KIFAP3: variants seen among roughly 807,000 people sequenced by gnomAD.
KIFAP3 encodes kinesin-associated protein 3.
In KIFAP3, 68 loss-of-function variants were observed where a neutral mutation model predicts 106.5. The ratio of observed to expected loss-of-function variants is 0.64; its 90% CI spans 0.53 to 0.78. The LOEUF (loss-of-function observed/expected upper bound fraction) is 0.78. Among genes scored for constraint, KIFAP3 ranks in the 30% least tolerant of loss-of-function variants. KIFAP3 has a pLI of 0.00. For missense variants in KIFAP3, 780 were observed against 941.8 expected, an observed-to-expected ratio of 0.83 and a Z score of 2.25; for synonymous variants, 320 against 311.5, an observed-to-expected ratio of 1.03 and a Z score of -0.29.
At position 170,045,543 on chromosome 1, in the gene KIFAP3, C is replaced by A. The variant is rs186829675; in HGVS notation, c.319+1169G>T. Among the ~76,000 whole-genome samples the A allele has an allele frequency of 1.1e-4, 16 of 152,150 alleles. No individual in the cohort carries two copies. In the East Asian group the frequency reaches 2.9e-3, roughly 28 times the overall value. ...ACACTTATTTTGCAAATAAATTGGT[C>A]CTACTATAATTTGTCTTTGGTAGAA... On this transcript the variant is annotated intron_variant, in intron 3 of 19. Coordinates refer to ENST00000361580, the MANE Select transcript of KIFAP3 (RefSeq NM_014970.4).
intron 2 of KIFAP3, among the ~76,000 whole-genome samples, chr1:170,052,787 C>A (rs1008419210): frequency 2.0e-5 from 3 of 152,160 alleles, no homozygotes; most frequent in Non-Finnish European, 2.9e-5. Context: ...CGAAAAAATT[C>A]AACATCTTTT....
Position 170,024,521 on chromosome 1 carries a change from TGAACTATG to T in KIFAP3, c.909_916del (p.Asn303LysfsTer8). On this transcript the variant is annotated frameshift_variant, in exon 9 of 20. Transcript: ENST00000361580. LOFTEE classifies it high-confidence loss of function. ...CCGATCAAGGGCTTTCACCAACATG[TGAACTATG>T]TTCTTGTTCCTCATTTTCAGTTCGG... 1 of 1,607,500 alleles carries T rather than the reference TGAACTATG, an allele frequency of 6.2e-7. No homozygotes were observed. The highest frequency in any genetic ancestry group is 8.5e-7 in the Non-Finnish European group (1 of 1,176,154).
chr1:170,058,251 T>C (rs1670948931), intron 1 of KIFAP3, among the ~76,000 whole-genome samples: 1 of 152,154 alleles, frequency 6.6e-6, no homozygotes. Flanking sequence ...ATAAGAACTT[T>C]TAAAAAATTA....
chr1:170,059,863 T>C (rs1174838709), intron 1 of KIFAP3, among the ~76,000 whole-genome samples: 1 of 152,204 alleles, frequency 6.6e-6, no homozygotes, highest in Non-Finnish European at 1.5e-5. Context: ...TGGTTCAATA[T>C]ATGCAAATCA....
intron 2 of KIFAP3, among the ~76,000 whole-genome samples, chr1:170,048,582 T>C (rs1670393643): frequency 6.6e-6 from 1 of 151,752 alleles, no homozygotes; most frequent in African/African-American, 2.4e-5. Context: ...AGTCTGCAGC[T>C]CCCAGTGAGA....
intron 15 of KIFAP3, among the ~76,000 whole-genome samples, chr1:169,981,505 G>A (rs1666522236): frequency 6.6e-6 from 1 of 151,986 alleles, no homozygotes; most frequent in African/African-American, 2.4e-5. Flanking sequence ...TAAGCATACT[G>A]TTATAATTTT....
At chr1:170,045,842 C>T (rs954101982) in intron 3 of KIFAP3, among the ~76,000 whole-genome samples, 1 of 152,182 alleles carries the variant, frequency 6.6e-6, no homozygotes, top group Non-Finnish European at 1.5e-5. Flanking sequence ...GCTAAAGTCA[C>T]ATAGCACTAC....
chr1:170,080,782 A>G (rs1010102279), intron 1 of KIFAP3, among the ~76,000 whole-genome samples: 1 of 152,154 alleles, frequency 6.6e-6, no homozygotes, highest in African/African-American at 2.4e-5. Flanking sequence ...CAATGTATGT[A>G]TATAATTCTA....
chr1:169,926,808 A>G (rs1420023232), intron 19 of KIFAP3, among the ~76,000 whole-genome samples: 1 of 152,114 alleles, frequency 6.6e-6, no homozygotes, highest in Admixed American at 6.5e-5. Flanking sequence ...TTATGACTAC[A>G]TATTTATAAA....
chr1:169,956,177 T>C (rs1259908735), intron 18 of KIFAP3, among the ~76,000 whole-genome samples: 2 of 151,914 alleles, frequency 1.3e-5, no homozygotes, highest in Non-Finnish European at 2.9e-5. Flanking sequence ...ATAAAATATA[T>C]GCCACACGTG....
chr1:170,078,074 T>A (rs996343000), upstream of KIFAP3, among the ~76,000 whole-genome samples: 3 of 152,270 alleles, frequency 2.0e-5, no homozygotes, highest in East Asian at 3.9e-4. Context: ...TAAGAATAGG[T>A]TTACTTAGTT....
chr1:169,941,169 C>T (rs187301511), intron 19 of KIFAP3, among the ~76,000 whole-genome samples: 2,022 of 152,152 alleles, frequency 0.013, 49 homozygotes, highest in African/African-American at 0.044. Context: ...AGACATAGGT[C>T]TATTTGAAAA....
intron 2 of KIFAP3, among the ~76,000 whole-genome samples, chr1:170,053,503 A>AAT (rs758450001): frequency 7.9e-5 from 12 of 152,144 alleles, no homozygotes; most frequent in Non-Finnish European, 1.5e-4. Flanking sequence ...ATGGAACAAA[A>AAT]AAAGAGCCCA....
intron 1 of KIFAP3, among the ~76,000 whole-genome samples, chr1:170,062,165 A>T (rs914750298): frequency 5.9e-5 from 9 of 151,728 alleles, no homozygotes; most frequent in East Asian, 1.9e-4. Flanking sequence ...AGTATAATTT[A>T]AAAAAAGAGT....
intron 19 of KIFAP3, among the ~76,000 whole-genome samples, chr1:169,950,226 C>T (rs896249785): frequency 1.3e-5 from 2 of 152,068 alleles, no homozygotes; most frequent in Non-Finnish European, 2.9e-5. Context: ...TGAATCCACT[C>T]AAACTGAAAC....
chr1:169,999,245 T>C (rs1427085394), intron 10 of KIFAP3, among the ~76,000 whole-genome samples: 2 of 152,192 alleles, frequency 1.3e-5, no homozygotes, highest in Non-Finnish European at 2.9e-5. Flanking sequence ...AGTGAATTCC[T>C]ACAAGAAATG....
chr1:170,043,443 C>A (rs187119581), intron 3 of KIFAP3, among the ~76,000 whole-genome samples: 1 of 152,138 alleles, frequency 6.6e-6, no homozygotes, highest in Non-Finnish European at 1.5e-5. Context: ...CCTATAACTG[C>A]CAAGTGGAGT....
chr1:170,040,656 A>C (rs1206610816), intron 3 of KIFAP3, among the ~76,000 whole-genome samples: 1 of 152,116 alleles, frequency 6.6e-6, no homozygotes, highest in East Asian at 1.9e-4. Context: ...TTCTACTTGG[A>C]TTTATTGGAC....
intron 17 of KIFAP3, among the ~76,000 whole-genome samples, chr1:169,966,276 CAT>C (rs1158350162): frequency 2.0e-5 from 3 of 151,752 alleles, no homozygotes; most frequent in Non-Finnish European, 2.9e-5. Context: ...CGACACAGCA[CAT>C]GTTATTCTAT....
Sources: allele counts gnomAD v4.1 joint callset (sites outside exome capture counted in the v4.1 genomes callset), GRCh38; gene constraint gnomAD v4.1.1; transcripts MANE v1.5; gene names NCBI Gene and HGNC (gene_info 2026-07-23, HGNC 2026-07-21).